GLIS3: variants seen among roughly 807,000 people sequenced by gnomAD.
GLIS3 encodes the protein zinc finger protein GLIS3.
Under a neutral mutation model 78.6 loss-of-function variants are expected in GLIS3, and 53 were observed. That is an observed-to-expected ratio of 0.67 (90% CI 0.54 to 0.85). The LOEUF is 0.85. Ranked by LOEUF, GLIS3 falls within the 40% of genes least tolerant of loss-of-function variation. The pLI, the probability that GLIS3 is intolerant of heterozygous loss-of-function variation, is 0.00. For synonymous variants in GLIS3, 684 were observed against 509.9 expected, an observed-to-expected ratio of 1.34 and a Z score of -4.60; for missense variants, 1,703 against 1,231.1, an observed-to-expected ratio of 1.38 and a Z score of -5.74.
chr9:3,863,589 G>C (rs1394222633), intron 8 of GLIS3, among the ~76,000 whole-genome samples: 1 of 152,178 alleles, frequency 6.6e-6, no homozygotes, highest in African/African-American at 2.4e-5. Flanking sequence ...GAAAAGACCA[G>C]GACTCAAAAA....
chr9:4,143,470 G>A (rs999798200), intron 2 of GLIS3, among the ~76,000 whole-genome samples: 14 of 152,056 alleles, frequency 9.2e-5, no homozygotes, highest in Admixed American at 8.5e-4. Context: ...AGGAGGCTGA[G>A]GCAGGAGAAT....
rs117626470 is a variant in GLIS3, at chr9:4,312,901, C to T, written n.265-2373G>A. Among the ~76,000 whole-genome samples, 1,414 of 152,314 alleles carry T rather than the reference C, an allele frequency of 9.3e-3. 15 individuals carry two copies. Among genetic ancestry groups the T allele is most frequent in the Non-Finnish European group, 0.013 (890 of 68,024 alleles). On this transcript the variant is annotated intron_variant and non_coding_transcript_variant, in intron 2 of 4. Transcript: ENST00000471664. Reference sequence around the variant, plus strand: ...TGTTACATATATTAGTTCATTTAATCCTCACAGTAACACTACGAGGTTGGT... The same window carrying T: ...TGTTACATATATTAGTTCATTTAATTCTCACAGTAACACTACGAGGTTGGT...
chr9:4,051,697 G>C (rs1242503798), intron 4 of GLIS3, among the ~76,000 whole-genome samples: 1 of 152,158 alleles, frequency 6.6e-6, no homozygotes, highest in African/African-American at 2.4e-5. Flanking sequence ...CCAGAAGTTT[G>C]AAAACTCTTC....
chr9:4,371,028 G>A, the GLIS3 span, among the ~76,000 whole-genome samples: 2 of 152,178 alleles, frequency 1.3e-5, no homozygotes, highest in South Asian at 2.1e-4. Context: ...CCTGGGTTGG[G>A]TAGAATTATA....
intron 2 of GLIS3, among the ~76,000 whole-genome samples, chr9:4,195,998 C>G (rs1001844381): frequency 6.6e-6 from 1 of 151,886 alleles, no homozygotes; most frequent in African/African-American, 2.4e-5. Flanking sequence ...ATGCACCTAT[C>G]AGTGCTCTGT....
chr9:4,443,624 G>A, the GLIS3 span, among the ~76,000 whole-genome samples: 2 of 152,198 alleles, frequency 1.3e-5, no homozygotes, highest in Non-Finnish European at 2.9e-5. Flanking sequence ...GAAGCAAGAT[G>A]AGATTAAAGG....
chr9:4,260,690 G>A (rs1825439940), intron 2 of GLIS3, among the ~76,000 whole-genome samples: 1 of 151,884 alleles, frequency 6.6e-6, no homozygotes, highest in Admixed American at 6.6e-5. Context: ...AGGTTGCAGT[G>A]AGCCGAGATC....
At chr9:4,350,512 C>T (rs932402178), upstream of GLIS3, among the ~76,000 whole-genome samples, 3 of 152,064 alleles carry the variant, frequency 2.0e-5, no homozygotes, top group Non-Finnish European at 2.9e-5. Flanking sequence ...ATAATCCTGC[C>T]GTACTATATC....
intron 2 of GLIS3, among the ~76,000 whole-genome samples, chr9:4,184,505 G>C (rs1817597858): frequency 6.6e-6 from 1 of 152,162 alleles, no homozygotes; most frequent in African/African-American, 2.4e-5. Flanking sequence ...CTGAGACTGA[G>C]GAGCGCCTAG....
intron 4 of GLIS3, among the ~76,000 whole-genome samples, chr9:4,075,630 T>C (rs1275781637): frequency 1.3e-5 from 2 of 152,004 alleles, no homozygotes; most frequent in African/African-American, 2.4e-5. Context: ...ATATATAGCC[T>C]AGACATAGGT....
the GLIS3 span, among the ~76,000 whole-genome samples, chr9:4,452,378 A>G: frequency 2.0e-5 from 3 of 152,212 alleles, no homozygotes; most frequent in Non-Finnish European, 4.4e-5. Context: ...ACAGGAAGTC[A>G]AAATGTCTCT....
intron 2 of GLIS3, among the ~76,000 whole-genome samples, chr9:4,159,178 A>G (rs1462991960): frequency 1.3e-5 from 2 of 152,164 alleles, no homozygotes; most frequent in Admixed American, 6.5e-5. Flanking sequence ...TTGAATTTGC[A>G]TCACTAGTCC....
At chr9:3,971,598 G>A (rs985092386) in intron 4 of GLIS3, among the ~76,000 whole-genome samples, 1 of 152,156 alleles carries the variant, frequency 6.6e-6, no homozygotes, top group East Asian at 1.9e-4. Context: ...ATGACTGCCA[G>A]GATGCAAAGC....
At chr9:4,348,318 C>G (rs1268736986) in exon 1 of GLIS3, 1 of 152,132 alleles carries the variant, frequency 6.6e-6, no homozygotes, top group Non-Finnish European at 1.5e-5. Flanking sequence ...CCTGCCAGTT[C>G]AGCACCCTCG....
intron 4 of GLIS3, among the ~76,000 whole-genome samples, chr9:4,074,202 T>C (rs1402712585): frequency 6.6e-6 from 1 of 152,178 alleles, no homozygotes; most frequent in Non-Finnish European, 1.5e-5. Context: ...CAGGGGTCTC[T>C]AGGGGAGCAG....
chr9:4,426,693 C>T, the GLIS3 span, among the ~76,000 whole-genome samples: 2 of 152,198 alleles, frequency 1.3e-5, no homozygotes, highest in Non-Finnish European at 2.9e-5. Flanking sequence ...AGGTCTGAAA[C>T]TAGAATGATT....
chr9:3,870,331 ACATGCTCCTGG>A (rs1820891364), intron 8 of GLIS3, among the ~76,000 whole-genome samples: 1 of 152,254 alleles, frequency 6.6e-6, no homozygotes, highest in Admixed American at 6.5e-5. Context: ...ATGGAAATTA[ACATGCTCCTGG>A]ATGACCACTG....
intron 2 of GLIS3, among the ~76,000 whole-genome samples, chr9:4,274,519 C>A (rs935903623): frequency 2.0e-5 from 3 of 152,168 alleles, no homozygotes; most frequent in African/African-American, 7.2e-5. Flanking sequence ...GTCCCCATCC[C>A]TGCCAGAAGC....
At chr9:4,413,075 A>G in the GLIS3 span, among the ~76,000 whole-genome samples, 1 of 152,254 alleles carries the variant, frequency 6.6e-6, no homozygotes, top group South Asian at 2.1e-4. Context: ...CTACCCTAAC[A>G]AATACAACAT....
Sources: allele counts gnomAD v4.1 joint callset (sites outside exome capture counted in the v4.1 genomes callset), GRCh38; gene constraint gnomAD v4.1.1; transcripts MANE v1.5; gene names NCBI Gene and HGNC (gene_info 2026-07-23, HGNC 2026-07-21).